EZH2: variants seen among roughly 807,000 people sequenced by gnomAD.
EZH2 encodes the protein histone-lysine N-methyltransferase EZH2.
EZH2 carries 18 observed loss-of-function variants against 98.4 expected under a neutral mutation model. The ratio of observed to expected loss-of-function variants is 0.18; its 90% CI spans 0.13 to 0.27. EZH2 has a LOEUF of 0.27. Ranked by LOEUF, EZH2 falls within the 10% of genes least tolerant of loss-of-function variation. EZH2 has a pLI of 1.00. For synonymous variants in EZH2, 338 were observed against 312.3 expected, an observed-to-expected ratio of 1.08 and a Z score of -0.87; for missense variants, 470 against 935.1, an observed-to-expected ratio of 0.50 and a Z score of 6.49.
At chr7:148,857,746 G>A (rs1300471690) in intron 1 of EZH2, among the ~76,000 whole-genome samples, 4 of 151,550 alleles carry the variant, frequency 2.6e-5, no homozygotes, top group South Asian at 4.2e-4. Context: ...GCGAGACTCC[G>A]TCCCAAATAA....
At chr7:148,816,635 C>G (rs766987715) in intron 12 of EZH2, 49 bp downstream of exon 12, 1 of 1,400,080 alleles carries the variant, frequency 7.1e-7, no homozygotes, top group South Asian at 1.2e-5. Flanking sequence ...GCCTTGCCTG[C>G]AGTGTCTATC....
intron 1 of EZH2, among the ~76,000 whole-genome samples, chr7:148,852,764 C>T (rs537575511): frequency 1.5e-4 from 23 of 152,150 alleles, no homozygotes; most frequent in Non-Finnish European, 2.8e-4. Flanking sequence ...TCCCAAATTT[C>T]GGAACTATTC....
At chr7:148,850,644 T>C (rs1382378089) in intron 1 of EZH2, among the ~76,000 whole-genome samples, 1 of 152,184 alleles carries the variant, frequency 6.6e-6, no homozygotes, top group Non-Finnish European at 1.5e-5. Context: ...TTTCACTCTA[T>C]TCCCACTGTA....
chr7:148,872,538 ATAT>A (rs1819576697), intron 1 of EZH2, among the ~76,000 whole-genome samples: 1 of 152,232 alleles, frequency 6.6e-6, no homozygotes. Flanking sequence ...AACTACATGT[ATAT>A]TAGGTACAGG....
intron 9 of EZH2, 67 bp downstream of exon 9, chr7:148,819,529 G>C (rs1401077463): frequency 1.6e-6 from 2 of 1,282,704 alleles, no homozygotes; most frequent in African/African-American, 2.9e-5. Flanking sequence ...ACGCTGACTT[G>C]ATCACCTCCA....
At position 148,817,405 on chromosome 7, in the gene EZH2, T is replaced by C. The variant is rs373433110; in HGVS notation, c.1241-14A>G. 6.9e-5 allele frequency: 111 copies of C among 1,610,214 alleles called. No homozygotes were observed. Among genetic ancestry groups the C allele is most frequent in the Non-Finnish European group, 7.8e-5 (92 of 1,178,836 alleles). On this transcript the variant is annotated splice_polypyrimidine_tract_variant and intron_variant, in intron 10 of 19. Transcript: ENST00000320356. ...GAGAATTTGCTTCTACAAAACCAAA[T>C]GTAAGCACTGGTCAAGAAATGATTG... is the stretch of plus-strand genomic sequence containing the variant.
intron 5 of EZH2, among the ~76,000 whole-genome samples, 186 bp from the exon 6 acceptor site, chr7:148,829,066 A>T (rs1808559268): frequency 6.6e-6 from 1 of 152,186 alleles, no homozygotes; most frequent in South Asian, 2.1e-4. Flanking sequence ...AAGCAAACTT[A>T]TCTTTAATAC....
chr7:148,854,623 T>C (rs1196860401), intron 1 of EZH2, among the ~76,000 whole-genome samples: 2 of 152,226 alleles, frequency 1.3e-5, no homozygotes, highest in African/African-American at 4.8e-5. Flanking sequence ...TACCAGGCTA[T>C]GTAAGGTCAA....
intron 15 of EZH2, 55 bp from the exon 16 acceptor site, chr7:148,811,775 G>T: frequency 2.1e-6 from 3 of 1,429,720 alleles, no homozygotes; most frequent in East Asian, 2.3e-5. Flanking sequence ...AATGGACTGG[G>T]GACAAAGTAG....
In EZH2 at chr7:148,869,189, A is replaced by C. The variant is rs776649875; in HGVS notation, c.-8+14975T>G. On this transcript the variant is annotated intron_variant, in intron 1 of 19. Coordinates refer to ENST00000320356, the MANE Select transcript of EZH2 (RefSeq NM_004456.5). ...GAATTTGGGAAAGATGCATATAACC[A>C]CTGGATTAAATGCCAGCTAGGGAGA... Among the ~76,000 whole-genome samples the C allele has an allele frequency of 9.1e-5, 13 of 142,300 alleles. 1 individual carries two copies. Among genetic ancestry groups the C allele is most frequent in the Non-Finnish European group, 1.3e-4 (9 of 67,956 alleles). The allele number at this position is 142,300 out of a possible 152,430, so 93.4% of individuals were successfully genotyped here.
chr7:148,855,831 G>A (rs1407786605), intron 1 of EZH2, among the ~76,000 whole-genome samples: 2 of 147,068 alleles, frequency 1.4e-5, no homozygotes, highest in East Asian at 2.0e-4. Context: ...CTAGGAGGCG[G>A]AGGTTGCAGT....
At chr7:148,826,711 T>G in intron 7 of EZH2, 79 bp from the exon 8 acceptor site, 1 of 1,219,176 alleles carries the variant, frequency 8.2e-7, no homozygotes, top group Non-Finnish European at 1.1e-6. Context: ...AAGGTTTCCA[T>G]GTGTTACTTT....
chr7:148,872,496 A>G (rs1402050003), intron 1 of EZH2, among the ~76,000 whole-genome samples: 1 of 152,232 alleles, frequency 6.6e-6, no homozygotes, highest in Non-Finnish European at 1.5e-5. Flanking sequence ...GCTTTTTACA[A>G]TTTTTAAAAA....
intron 8 of EZH2, among the ~76,000 whole-genome samples, chr7:148,824,422 A>ATTGTATT (rs1807086825): frequency 6.6e-6 from 1 of 152,080 alleles, no homozygotes; most frequent in African/African-American, 2.4e-5. Context: ...ATAAGATAAT[A>ATTGTATT]TTGTATTTTT....
chr7:148,855,726 C>T (rs1432316923), intron 1 of EZH2, among the ~76,000 whole-genome samples: 3 of 151,720 alleles, frequency 2.0e-5, no homozygotes, highest in Admixed American at 6.6e-5. Flanking sequence ...GGTGAAACCC[C>T]GTCTCTACTA....
intron 1 of EZH2, among the ~76,000 whole-genome samples, chr7:148,850,674 C>G (rs1374460572): frequency 4.6e-5 from 7 of 152,144 alleles, no homozygotes; most frequent in Admixed American, 1.3e-4. Context: ...ACAGCAAGAA[C>G]CACTTTTACT....
chr7:148,832,697 A>T lies in EZH2; in HGVS notation c.300T>A (p.Thr100=). The T allele has an allele frequency of 2.5e-6, 4 of 1,611,314 alleles. No homozygotes were observed. Among genetic ancestry groups the T allele is most frequent in the Non-Finnish European group, 3.4e-6 (4 of 1,178,140 alleles). ...TGGGTACTGAAGCAACTGCATTCAG[A>T]GTCTTTAATGGGATGACTTGTGTTG... ...DFPTQVIPLK[T]LNAVASVPIM... The change falls in exon 4 of 20, where the codon ACT becomes ACA. Residue 100 remains threonine, a synonymous_variant. Transcript: ENST00000320356.
At chr7:148,825,838 T>A (rs895656645) in intron 8 of EZH2, among the ~76,000 whole-genome samples, 1 of 152,208 alleles carries the variant, frequency 6.6e-6, no homozygotes, top group South Asian at 2.1e-4. Flanking sequence ...TCAAAAGTAG[T>A]TGACGCTTTT....
At chr7:148,863,378 C>G (rs1817985881) in intron 1 of EZH2, among the ~76,000 whole-genome samples, 1 of 152,142 alleles carries the variant, frequency 6.6e-6, no homozygotes, top group Non-Finnish European at 1.5e-5. Flanking sequence ...ACCTGTCAAA[C>G]TACAGAATTT....
Sources: gnomAD v4.1 joint callset for allele counts (sites outside exome capture counted in the v4.1 genomes callset) on GRCh38, gnomAD v4.1.1 for gene constraint, MANE v1.5 for transcripts, NCBI Gene and HGNC (gene_info 2026-07-23, HGNC 2026-07-21) for gene names.